The following LSG1 variants were observed in gnomAD, a reference collection of about 807,000 sequenced individuals.
The protein encoded by LSG1 is large 60S subunit nuclear export GTPase 1, also known as large subunit GTPase 1 homolog.
In LSG1, 55 loss-of-function variants were observed where a neutral mutation model predicts 82.6. The ratio of observed to expected loss-of-function variants is 0.67; its 90% confidence interval spans 0.54 to 0.83. The LOEUF (loss-of-function observed/expected upper bound fraction) is 0.83. LSG1 is among the 40% of genes least tolerant of loss of function. The probability of loss-of-function intolerance (pLI) is 0.00; values close to 1 mark genes in which losing one functional copy is unlikely to be tolerated. For missense variants in LSG1, 809 were observed against 807.9 expected, an observed-to-expected ratio of 1.00 and a Z score of -0.02; for synonymous variants, 272 against 282.5, an observed-to-expected ratio of 0.96 and a Z score of 0.37.
At chr3:194,651,077 A>C (rs372162110) in intron 9 of LSG1, 38 bp downstream of exon 9, 8 of 1,614,086 alleles carry the variant, frequency 5.0e-6, no homozygotes, top group Non-Finnish European at 5.9e-6. Context: ...AAAAGGAAGA[A>C]AGAGCTGCAT....
intron 13 of LSG1, among the ~76,000 whole-genome samples, chr3:194,642,942 T>C (rs1057200759): frequency 1.3e-5 from 2 of 152,242 alleles, no homozygotes; most frequent in Admixed American, 6.5e-5. Context: ...CTCAGTCTCT[T>C]TGAGCCTCAG....
intron 10 of LSG1, among the ~76,000 whole-genome samples, chr3:194,649,884 A>G (rs1185006844): frequency 1.3e-5 from 2 of 151,962 alleles, no homozygotes; most frequent in Non-Finnish European, 2.9e-5. Context: ...TTATAAGTAG[A>G]GTAAAATCTC....
At chr3:194,660,234 G>T in intron 5 of LSG1, 101 bp from the exon 6 acceptor site, 1 of 866,262 alleles carries the variant, frequency 1.2e-6, no homozygotes, top group Non-Finnish European at 2.0e-6. Flanking sequence ...AATATATTAA[G>T]CACTGGACAT....
At chr3:194,651,373 C>T in intron 8 of LSG1, 157 bp from the exon 9 acceptor site, 1 of 619,126 alleles carries the variant, frequency 1.6e-6, no homozygotes, top group Non-Finnish European at 2.9e-6. Context: ...TCTTTTTTCT[C>T]CTGTGGTGTG....
intron 10 of LSG1, among the ~76,000 whole-genome samples, chr3:194,649,435 G>A (rs1332606804): frequency 6.6e-6 from 1 of 151,698 alleles, no homozygotes; most frequent in South Asian, 2.1e-4. Context: ...TGTAATCCCA[G>A]CATTTTGGGA....
intron 2 of LSG1, among the ~76,000 whole-genome samples, chr3:194,668,646 T>A (rs184409010): frequency 1.8e-3 from 281 of 152,298 alleles, no homozygotes; most frequent in African/African-American, 5.7e-3. Flanking sequence ...CCTATTTTGC[T>A]AGACTAAAGT....
chr3:194,647,785 C>T (rs1337079901), intron 11 of LSG1, among the ~76,000 whole-genome samples: 3 of 152,180 alleles, frequency 2.0e-5, no homozygotes, highest in African/African-American at 7.2e-5. Flanking sequence ...CTTGGGTCAG[C>T]TCAGGCTCTG....
intron 10 of LSG1, among the ~76,000 whole-genome samples, chr3:194,649,221 A>C (rs1718621103): frequency 6.6e-6 from 1 of 152,132 alleles, no homozygotes; most frequent in Non-Finnish European, 1.5e-5. Flanking sequence ...TTAAGCCACT[A>C]ACAATATTCT....
intron 3 of LSG1, 46 bp from the exon 4 acceptor site, chr3:194,666,335 AAATAAAATAGGT>A (rs781067916): frequency 3.1e-6 from 5 of 1,606,148 alleles, no homozygotes; most frequent in Middle Eastern, 1.7e-4. Flanking sequence ...TAAGTAACCA[AAATAAAATAGGT>A]AATTTGGATC....
Position 194,665,416 on chromosome 3 carries a change from C to T in LSG1, c.521+141G>A, listed in dbSNP as rs1386680679. 23 of 542,792 alleles carry T rather than the reference C, an allele frequency of 4.2e-5. 1 individual carries two copies. In the South Asian group the frequency reaches 4.3e-4, roughly 10 times the overall value. 33.6% of individuals were successfully genotyped at this position (542,792 alleles called of 1,614,324 possible). On this transcript the variant is annotated intron_variant, in intron 5 of 13. Coordinates refer to ENST00000265245, the MANE Select transcript of LSG1 (RefSeq NM_018385.3). ...AACTATACAAAATATACGGTAGTATCATGCTGTGTTTTTATAATTCTCAGT... is the reference window on the plus strand; with the variant it reads ...AACTATACAAAATATACGGTAGTATTATGCTGTGTTTTTATAATTCTCAGT...
chr3:194,649,491 C>T (rs1296351032), intron 10 of LSG1, among the ~76,000 whole-genome samples: 1 of 150,916 alleles, frequency 6.6e-6, no homozygotes, highest in Non-Finnish European at 1.5e-5. Context: ...TGAGACCAGC[C>T]TGGCCAACAT....
intron 11 of LSG1, among the ~76,000 whole-genome samples, chr3:194,646,796 C>G (rs556744853): frequency 6.6e-6 from 1 of 152,334 alleles, no homozygotes; most frequent in South Asian, 2.1e-4. Context: ...GCTGGGATTA[C>G]AAGCGTGAGG....
intron 5 of LSG1, among the ~76,000 whole-genome samples, chr3:194,660,351 C>T (rs1414209847): frequency 1.3e-5 from 2 of 152,172 alleles, no homozygotes; most frequent in Non-Finnish European, 2.9e-5. Context: ...AGTAACACAG[C>T]CAGAATGGGA....
At chr3:194,649,204 A>T (rs1307796892) in intron 10 of LSG1, among the ~76,000 whole-genome samples, 1 of 152,038 alleles carries the variant, frequency 6.6e-6, no homozygotes, top group Non-Finnish European at 1.5e-5. Context: ...GTTTGTCCAA[A>T]TTTTCCTTAA....
intron 1 of LSG1, 110 bp downstream of exon 1, chr3:194,671,954 A>C (rs1773231): frequency 0.77 from 757,029 of 981,052 alleles, 294,429 homozygotes; most frequent in East Asian, 0.93. Context: ...TCATCCTTCA[A>C]AACCCGGCTG....
chr3:194,661,692 A>G (rs9851696), intron 5 of LSG1, among the ~76,000 whole-genome samples: 110,829 of 152,186 alleles, frequency 0.73, 40,777 homozygotes, highest in East Asian at 0.94. Flanking sequence ...TGGAGAAGAC[A>G]TCAATAAATA....
rs1560218746 is a variant in LSG1, at chr3:194,644,382, AAAAATAAAT to A, written c.1797+182_1797+190del. ...AGACTCCGTCTCAAAAAAAAAAAAT[AAAAATAAAT>A]AAATAAATAAATAAATAAATAAATA... On this transcript the variant is annotated intron_variant, in intron 13 of 13. Coordinates refer to ENST00000265245, the MANE Select transcript of LSG1 (RefSeq NM_018385.3). 1.6e-3 allele frequency among the ~76,000 whole-genome samples: 106 copies of A among 68,058 alleles called. 4 individuals are homozygous for A. The highest frequency in any genetic ancestry group is 4.9e-3 in the African/African-American group (99 of 20,360). The allele number at this position is 68,058 out of a possible 152,430, so 44.6% of individuals were successfully genotyped here. A position where few individuals can be genotyped will look rare whatever the true frequency, so the allele number is the denominator to read the frequency against.
chr3:194,659,036 A>C lies in LSG1; in HGVS notation c.680T>G (p.Met227Arg), dbSNP rs778994568. 2 of 1,614,228 alleles carry C rather than the reference A, an allele frequency of 1.2e-6. No homozygotes were observed. Among genetic ancestry groups the C allele is most frequent in the East Asian group, 4.5e-5 (2 of 44,888 alleles). The change falls in exon 7 of 14, where the codon ATG becomes AGG. Residue 227 changes from methionine (M) to arginine (R), a missense_variant. Met to Arg is a moderately conservative substitution (Grantham distance 91). Transcript: ENST00000265245. ...LTAEQRSAWA[M>R]YFEKEDVKVI... The stretch of plus-strand genomic sequence containing the variant: ...CTTCACATCTTCTTTTTCGAAGTAC[A>C]TGGCCCAGGCACTCCGCTGCTCAGC...
At chr3:194,664,452 T>C (rs1207465072) in intron 5 of LSG1, among the ~76,000 whole-genome samples, 1 of 152,104 alleles carries the variant, frequency 6.6e-6, no homozygotes, top group Non-Finnish European at 1.5e-5. Flanking sequence ...CAGAAACTCT[T>C]TGAGGAAAAC....
Sources: gnomAD v4.1 joint callset for allele counts (sites outside exome capture counted in the v4.1 genomes callset) on GRCh38, gnomAD v4.1.1 for gene constraint, MANE v1.5 for transcripts, NCBI Gene and HGNC (gene_info 2026-07-23, HGNC 2026-07-21) for gene names.